The following SPECC1 variants were observed in gnomAD, a reference collection of about 807,000 sequenced individuals.
The protein encoded by SPECC1 is sperm antigen with calponin homology and coiled-coil domains 1, also known as cytospin-B.
Under a neutral mutation model 104.1 loss-of-function variants are expected in SPECC1, and 62 were observed. The observed-to-expected ratio is 0.60, with a 90% CI of 0.49 to 0.74. The LOEUF (loss-of-function observed/expected upper bound fraction) is 0.74. Ranked by LOEUF, SPECC1 falls within the 30% of genes least tolerant of loss-of-function variation. The pLI, the probability that SPECC1 is intolerant of heterozygous loss-of-function variation, is 0.00. For missense variants in SPECC1, 1,306 were observed against 1,310.5 expected, an observed-to-expected ratio of 1.00 and a Z score of 0.05; for synonymous variants, 513 against 501.6, an observed-to-expected ratio of 1.02 and a Z score of -0.30.
intron 3 of SPECC1, among the ~76,000 whole-genome samples, chr17:20,166,174 A>C (rs1339096080): frequency 6.6e-6 from 1 of 152,272 alleles, no homozygotes; most frequent in East Asian, 1.9e-4. Flanking sequence ...TCAAGAATAA[A>C]AAGTAGCAGT....
At chr17:20,172,027 C>G (rs979068694) in intron 3 of SPECC1, among the ~76,000 whole-genome samples, 2 of 152,208 alleles carry the variant, frequency 1.3e-5, no homozygotes, top group African/African-American at 4.8e-5. Flanking sequence ...TTGAGCTTCT[C>G]TGGAGCTCTC....
chr17:20,054,645 G>A (rs2045893267), intron 1 of SPECC1, among the ~76,000 whole-genome samples: 1 of 152,070 alleles, frequency 6.6e-6, no homozygotes, highest in Admixed American at 6.5e-5. Flanking sequence ...TTGCGTATCT[G>A]ATCTTTTAAA....
intron 1 of SPECC1, chr17:20,056,467 A>G (rs543979715): frequency 4.9e-6 from 1 of 205,306 alleles, no homozygotes; most frequent in African/African-American, 2.3e-5. Context: ...TTCCGCGATG[A>G]TATGTGCAGA....
At chr17:20,256,434 G>C (rs2151580953) in intron 10 of SPECC1, among the ~76,000 whole-genome samples, 1 of 152,234 alleles carries the variant, frequency 6.6e-6, no homozygotes, top group Admixed American at 6.5e-5. Flanking sequence ...TGCTGTTCTT[G>C]TTGTTCCCTT....
At position 20,212,658 on chromosome 17, in the gene SPECC1, G is replaced by A. The variant is rs1348212318; in HGVS notation, c.1863+6746G>A. 2.6e-5 allele frequency among the ~76,000 whole-genome samples: 4 copies of A among 152,192 alleles called. No homozygotes were observed. The East Asian group carries it at 7.7e-4, about 29-fold the overall frequency. On this transcript the variant is annotated intron_variant, in intron 4 of 14. Transcript: ENST00000395527. Reference sequence around the variant, plus strand: ...AAGATGAGATTTAGGTGGGGAGGCAGCCAGTCTGTATCACTCATGGTAAAT... The same window carrying A: ...AAGATGAGATTTAGGTGGGGAGGCAACCAGTCTGTATCACTCATGGTAAAT...
chr17:20,091,541 A>C (rs1459989693), intron 1 of SPECC1, among the ~76,000 whole-genome samples: 2 of 152,164 alleles, frequency 1.3e-5, no homozygotes, highest in South Asian at 4.2e-4. Flanking sequence ...CCAAGTTGTG[A>C]CACCGTAAAT....
In SPECC1 at chr17:20,237,172, A is replaced by G. The variant is rs1428790625; in HGVS notation, c.2351+4767A>G. On this transcript the variant is annotated intron_variant, in intron 7 of 14. Coordinates refer to ENST00000395527, the MANE Select transcript of SPECC1 (RefSeq NM_001243439.2). ...TGGAGAATAAAATGAAGTTCTGAAA[A>G]AAACAAAGTACAAGTCTTATGAAAA... is the stretch of plus-strand genomic sequence containing the variant. The G allele has an allele frequency of 3.0e-6, 4 of 1,336,354 alleles. No individual in the cohort carries two copies. The East Asian group carries it at 1.2e-4, about 40-fold the overall frequency. The allele number at this position is 1,336,354 out of a possible 1,614,324, so 82.8% of individuals were successfully genotyped here.
At chr17:20,061,260 CAG>C (rs2046174818) in intron 1 of SPECC1, among the ~76,000 whole-genome samples, 1 of 152,174 alleles carries the variant, frequency 6.6e-6, no homozygotes, top group Non-Finnish European at 1.5e-5. Context: ...TTAGTAGAGA[CAG>C]TGTTTCACCA....
chr17:20,261,879 C>A (rs1374623824), intron 12 of SPECC1, among the ~76,000 whole-genome samples: 2 of 152,196 alleles, frequency 1.3e-5, no homozygotes, highest in African/African-American at 4.8e-5. Flanking sequence ...CCACTCCCAT[C>A]CAGAAGAGGA....
At chr17:20,092,258 C>T (rs540772278) in intron 1 of SPECC1, among the ~76,000 whole-genome samples, 9 of 128,092 alleles carry the variant, frequency 7.0e-5, no homozygotes, top group African/African-American at 1.7e-4. Context: ...ATTCCTTGAT[C>T]GATGTGATCC....
chr17:20,098,054 T>C (rs1393003692), intron 2 of SPECC1, among the ~76,000 whole-genome samples: 1 of 152,174 alleles, frequency 6.6e-6, no homozygotes, highest in Non-Finnish European at 1.5e-5. Flanking sequence ...TTTAACACTC[T>C]AAGTGGATAA....
intron 7 of SPECC1, among the ~76,000 whole-genome samples, chr17:20,242,502 C>G (rs2039247100): frequency 6.6e-6 from 1 of 152,122 alleles, no homozygotes; most frequent in African/African-American, 2.4e-5. Context: ...CTGTTGTTCT[C>G]TAGTATCTGG....
At chr17:20,082,574 C>A (rs1351508854) in intron 1 of SPECC1, among the ~76,000 whole-genome samples, 1 of 152,100 alleles carries the variant, frequency 6.6e-6, no homozygotes, top group Admixed American at 6.5e-5. Flanking sequence ...CCAGCCTTGG[C>A]AACAGAGCAA....
chr17:20,156,125 C>T, intron 3 of SPECC1: 1 of 1,382,596 alleles, frequency 7.2e-7, no homozygotes, highest in Non-Finnish European at 9.4e-7. Context: ...CCAGCCGGAG[C>T]CAGCGCGAGC....
At chr17:20,106,317 AT>A (rs1391296991) in intron 2 of SPECC1, among the ~76,000 whole-genome samples, 7 of 152,190 alleles carry the variant, frequency 4.6e-5, no homozygotes, top group Admixed American at 4.6e-4. Flanking sequence ...AACATGTATT[AT>A]ACAGGTGACC....
Position 20,150,107 on chromosome 17 carries a change from G to A in SPECC1, c.283+39545G>A, listed in dbSNP as rs2031849818. 2.0e-5 allele frequency among the ~76,000 whole-genome samples: 3 copies of A among 151,662 alleles called. 1 individual carries two copies. The South Asian group carries it at 6.3e-4, about 32-fold the overall frequency. ...CCTGCCTCAGCCTCCCGAGTAGCTG[G>A]GACTACAGGCGCCCGCCACCACGCC... is the stretch of plus-strand genomic sequence containing the variant. On this transcript the variant is annotated intron_variant, in intron 3 of 14. Transcript: ENST00000395527.
intron 4 of SPECC1, among the ~76,000 whole-genome samples, chr17:20,209,934 A>G (rs1381783352): frequency 6.6e-6 from 1 of 152,248 alleles, no homozygotes; most frequent in Non-Finnish European, 1.5e-5. Flanking sequence ...TATAGGTGGT[A>G]TCCTTAGAAT....
chr17:20,300,489 C>T (rs1380164153), intron 13 of SPECC1, among the ~76,000 whole-genome samples: 1 of 152,268 alleles, frequency 6.6e-6, no homozygotes, highest in South Asian at 2.1e-4. Flanking sequence ...CACACACCTA[C>T]GTCCTCCTGA....
At chr17:20,308,285 A>C (rs955917583) in intron 14 of SPECC1, among the ~76,000 whole-genome samples, 2 of 147,020 alleles carry the variant, frequency 1.4e-5, no homozygotes, top group Admixed American at 1.4e-4. Context: ...GCTACTCGGG[A>C]GGCTGAGGCA....
Sources: gnomAD v4.1 joint callset for allele counts (sites outside exome capture counted in the v4.1 genomes callset) on GRCh38, gnomAD v4.1.1 for gene constraint, MANE v1.5 for transcripts, NCBI Gene and HGNC (gene_info 2026-07-23, HGNC 2026-07-21) for gene names.